The following THSD7B variants were observed in gnomAD, a reference collection of about 807,000 sequenced individuals.
The protein encoded by THSD7B is thrombospondin type-1 domain-containing protein 7B.
A neutral mutation model predicts 213.6 loss-of-function variants in THSD7B; 138 were observed. The observed-to-expected ratio is 0.65, with a 90% CI of 0.56 to 0.74. THSD7B has a LOEUF of 0.74. Ranked by LOEUF, THSD7B falls within the 30% of genes least tolerant of loss-of-function variation. THSD7B has a pLI of 0.00. For synonymous variants in THSD7B, 742 were observed against 687.0 expected (o/e 1.08, Z -1.25); for missense variants, 1,931 against 1,991.5 (o/e 0.97, Z 0.58).
In THSD7B at chr2:136,995,073, T is replaced by C. The variant is rs1308367916; in HGVS notation, c.140-61347T>C. ...GCTAAATTTCAGAGTAAGGTGTTAA[T>C]CCATCAACAAACATCTCTTGTGATT... On this transcript the variant is annotated intron_variant, in intron 2 of 27. Coordinates refer to ENST00000409968, the MANE Select transcript of THSD7B (RefSeq NM_001316349.2). Among the ~76,000 whole-genome samples the C allele has an allele frequency of 3.3e-5, 5 of 152,188 alleles. No individual in the cohort carries two copies. The East Asian group carries it at 9.6e-4, about 29-fold the overall frequency.
chr2:137,283,891 T>G (rs1360237595), intron 12 of THSD7B, among the ~76,000 whole-genome samples: 2 of 152,178 alleles, frequency 1.3e-5, no homozygotes, highest in East Asian at 3.8e-4. Context: ...CCAGCTTTGG[T>G]ATCAGGATGA....
chr2:136,924,646 T>A (rs919674721), intron 2 of THSD7B, among the ~76,000 whole-genome samples: 7 of 152,098 alleles, frequency 4.6e-5, no homozygotes, highest in African/African-American at 1.7e-4. Context: ...TTCAAGATTA[T>A]TTTGGCTGTG....
chr2:136,770,086 A>G (rs559341764), intron 1 of THSD7B, among the ~76,000 whole-genome samples: 2 of 152,216 alleles, frequency 1.3e-5, no homozygotes, highest in Non-Finnish European at 2.9e-5. Context: ...TCCTAGTGTT[A>G]TGTTAGCGAA....
At chr2:136,983,350 G>GACACAC in intron 2 of THSD7B, among the ~76,000 whole-genome samples, 1 of 53,126 alleles carries the variant, frequency 1.9e-5, no homozygotes, top group Admixed American at 2.3e-4. Flanking sequence ...CACACACACA[G>GACACAC]ACACACAGAC....
At chr2:137,171,893 C>T (rs1680260499) in intron 7 of THSD7B, among the ~76,000 whole-genome samples, 1 of 151,862 alleles carries the variant, frequency 6.6e-6, no homozygotes, top group Non-Finnish European at 1.5e-5. Flanking sequence ...TAGATTTTGT[C>T]AGGTGATGTA....
At chr2:137,499,200 A>G (rs1268786538) in intron 15 of THSD7B, among the ~76,000 whole-genome samples, 3 of 152,204 alleles carry the variant, frequency 2.0e-5, no homozygotes, top group Non-Finnish European at 4.4e-5. Context: ...GACCAATTAT[A>G]TTTAGTGAAG....
chr2:137,041,877 A>G (rs921329258), intron 2 of THSD7B, among the ~76,000 whole-genome samples: 4 of 152,190 alleles, frequency 2.6e-5, no homozygotes, highest in African/African-American at 9.6e-5. Flanking sequence ...AAACCCCAGC[A>G]CAGCACAAGG....
chr2:137,445,056 G>A (rs552410592), intron 14 of THSD7B, among the ~76,000 whole-genome samples: 2 of 151,958 alleles, frequency 1.3e-5, no homozygotes, highest in East Asian at 3.9e-4. Flanking sequence ...ACCACAATGA[G>A]ATATTATATC....
chr2:136,989,804 A>T (rs544293712), intron 2 of THSD7B, among the ~76,000 whole-genome samples: 233 of 152,286 alleles, frequency 1.5e-3, no homozygotes, highest in African/African-American at 5.4e-3. Context: ...TGATCTATTT[A>T]TATTTAATTC....
intron 12 of THSD7B, among the ~76,000 whole-genome samples, chr2:137,329,087 A>T (rs1191201723): frequency 6.6e-6 from 1 of 152,214 alleles, no homozygotes; most frequent in Non-Finnish European, 1.5e-5. Flanking sequence ...ACAGGCAGAG[A>T]CTGGAAAAGT....
intron 17 of THSD7B, among the ~76,000 whole-genome samples, chr2:137,591,106 C>T (rs1681856847): frequency 6.6e-6 from 1 of 151,610 alleles, no homozygotes; most frequent in East Asian, 1.9e-4. Flanking sequence ...TAAAAGTTTA[C>T]CCCTTTGGTA....
intron 12 of THSD7B, among the ~76,000 whole-genome samples, chr2:137,386,294 A>G (rs941606252): frequency 6.6e-6 from 1 of 152,160 alleles, no homozygotes; most frequent in Non-Finnish European, 1.5e-5. Context: ...TGTTTCTTTC[A>G]TCTGTGTATC....
At chr2:137,265,966 A>G (rs894324036) in intron 10 of THSD7B, among the ~76,000 whole-genome samples, 1 of 152,210 alleles carries the variant, frequency 6.6e-6, no homozygotes, top group African/African-American at 2.4e-5. Context: ...TTGCAATTGT[A>G]GTTTAATTTA....
At chr2:137,148,203 C>G (rs1679743932) in intron 5 of THSD7B, among the ~76,000 whole-genome samples, 1 of 152,138 alleles carries the variant, frequency 6.6e-6, no homozygotes, top group Admixed American at 6.6e-5. Flanking sequence ...CTCTGCATTT[C>G]TCATTGCTGC....
chr2:137,395,069 C>T (rs1686141131), intron 12 of THSD7B, among the ~76,000 whole-genome samples: 1 of 141,710 alleles, frequency 7.1e-6, no homozygotes, highest in Non-Finnish European at 1.6e-5. Flanking sequence ...TGGGCTGAGA[C>T]AATGGGGTTT....
chr2:137,163,840 T>A (rs895228155), intron 6 of THSD7B, among the ~76,000 whole-genome samples: 1 of 152,228 alleles, frequency 6.6e-6, no homozygotes, highest in Non-Finnish European at 1.5e-5. Context: ...TAAGGTAATT[T>A]GTCTAAAGTC....
chr2:136,965,276 A>T (rs934388436), intron 2 of THSD7B, among the ~76,000 whole-genome samples: 3 of 152,222 alleles, frequency 2.0e-5, no homozygotes, highest in Admixed American at 1.3e-4. Context: ...GAACAAAGAT[A>T]ACTAATTTGC....
intron 1 of THSD7B, among the ~76,000 whole-genome samples, chr2:136,798,435 T>A (rs1430183385): frequency 1.3e-5 from 2 of 151,894 alleles, no homozygotes; most frequent in Non-Finnish European, 2.9e-5. Context: ...TTATGATGGG[T>A]AGGGAAAGAT....
At chr2:136,989,834 G>T (rs1685735970) in intron 2 of THSD7B, among the ~76,000 whole-genome samples, 1 of 152,152 alleles carries the variant, frequency 6.6e-6, no homozygotes, top group African/African-American at 2.4e-5. Context: ...TAAGTGCTGG[G>T]TTTAAAATCT....
Sources: allele counts gnomAD v4.1 joint callset (sites outside exome capture counted in the v4.1 genomes callset), GRCh38; gene constraint gnomAD v4.1.1; transcripts MANE v1.5; gene names NCBI Gene and HGNC (gene_info 2026-07-23, HGNC 2026-07-21).